Variants in NTM observed in about 807,000 individuals in gnomAD.
NTM encodes IgLON family member 2.
NTM carries 13 observed loss-of-function variants against 42.1 expected under a neutral mutation model. The ratio of observed to expected loss-of-function variants is 0.31; its 90% CI spans 0.20 to 0.49. The LOEUF (loss-of-function observed/expected upper bound fraction) is 0.49, where lower values mean the gene tolerates loss of function less well. Ranked by LOEUF, NTM falls within the 20% of genes least tolerant of loss-of-function variation. The pLI is 0.99. For synonymous variants in NTM, 187 were observed against 179.2 expected, an observed-to-expected ratio of 1.04 and a Z score of -0.35; for missense variants, 373 against 452.8, an observed-to-expected ratio of 0.82 and a Z score of 1.60.
At chr11:132,325,324 G>GA (rs1303733781) in intron 7 of NTM, among the ~76,000 whole-genome samples, 261 of 151,468 alleles carry the variant, frequency 1.7e-3, no homozygotes, top group South Asian at 4.4e-3. Context: ...AAATTTACAA[G>GA]AAAAAAACAA....
chr11:131,601,260 G>A (rs149414401), intron 1 of NTM, among the ~76,000 whole-genome samples: 42 of 152,296 alleles, frequency 2.8e-4, no homozygotes, highest in Non-Finnish European at 5.0e-4. Flanking sequence ...AGCAGGTGGT[G>A]TAGGAACTGA....
chr11:132,014,913 A>G (rs2073093827), intron 2 of NTM, among the ~76,000 whole-genome samples: 1 of 151,418 alleles, frequency 6.6e-6, no homozygotes, highest in South Asian at 2.1e-4. Context: ...CCATTTGTCT[A>G]TTTTTGTTTT....
At chr11:131,468,057 C>T (rs560674297) in intron 1 of NTM, among the ~76,000 whole-genome samples, 13 of 152,304 alleles carry the variant, frequency 8.5e-5, no homozygotes, top group Non-Finnish European at 1.5e-4. Context: ...AAAGGGATGA[C>T]GTAGGGTCAG....
chr11:131,843,579 A>G lies in NTM; in HGVS notation c.83-67985A>G, dbSNP rs552276642. Among the ~76,000 whole-genome samples the G allele has an allele frequency of 3.3e-5, 5 of 152,348 alleles. No individual in the cohort carries two copies. In the South Asian group the frequency reaches 1.0e-3, roughly 32 times the overall value. On this transcript the variant is annotated intron_variant, in intron 1 of 8. Coordinates refer to ENST00000683400, the MANE Select transcript of NTM (RefSeq NM_001352005.2). ...TGCTGCAATAAACATGCATGTATGC[A>G]GCTTGTGCACATGTGAGCGGGAATT...
chr11:132,249,299 G>A (rs982532830), intron 4 of NTM, among the ~76,000 whole-genome samples: 3 of 152,210 alleles, frequency 2.0e-5, no homozygotes, highest in African/African-American at 7.2e-5. Context: ...ATGTGTGTGT[G>A]AGGGTAAGGT....
At chr11:132,133,472 C>A (rs1175204609) in intron 2 of NTM, among the ~76,000 whole-genome samples, 1 of 152,188 alleles carries the variant, frequency 6.6e-6, no homozygotes, top group Non-Finnish European at 1.5e-5. Context: ...TCCTAATGCA[C>A]TTCAGTTCAT....
intron 3 of NTM, among the ~76,000 whole-genome samples, chr11:132,198,346 G>A (rs913498826): frequency 6.6e-6 from 1 of 152,098 alleles, no homozygotes; most frequent in African/African-American, 2.4e-5. Flanking sequence ...ACAGGATCAT[G>A]CCAGCATAAA....
intron 1 of NTM, among the ~76,000 whole-genome samples, chr11:131,885,108 GA>G (rs1445319873): frequency 2.0e-5 from 3 of 152,178 alleles, no homozygotes; most frequent in Non-Finnish European, 4.4e-5. Flanking sequence ...CCACGGCTCT[GA>G]GGAGTGAGTA....
chr11:132,021,833 A>G (rs1421409212), intron 2 of NTM, among the ~76,000 whole-genome samples: 1 of 152,142 alleles, frequency 6.6e-6, no homozygotes, highest in Non-Finnish European at 1.5e-5. Flanking sequence ...ACCATTTCCA[A>G]TGTCTCCTGA....
At chr11:132,334,327 T>C (rs543037302) in intron 8 of NTM, among the ~76,000 whole-genome samples, 207 of 152,372 alleles carry the variant, frequency 1.4e-3, no homozygotes, top group Non-Finnish European at 2.0e-3. Flanking sequence ...AGTGTCCTCA[T>C]TGATCTCCAG....
intron 1 of NTM, among the ~76,000 whole-genome samples, chr11:131,820,769 A>C (rs1309864701): frequency 1.3e-5 from 2 of 152,194 alleles, no homozygotes; most frequent in Non-Finnish European, 2.9e-5. Context: ...GTTTCGTGAC[A>C]TTTTTTCACT....
chr11:132,082,059 GAT>G (rs1262140129), intron 2 of NTM, among the ~76,000 whole-genome samples: 1 of 133,048 alleles, frequency 7.5e-6, no homozygotes, highest in Non-Finnish European at 1.6e-5. Flanking sequence ...GGAATTAAAA[GAT>G]AAAAAAAAAA....
intron 1 of NTM, among the ~76,000 whole-genome samples, chr11:131,719,920 T>C (rs2078138363): frequency 6.6e-6 from 1 of 152,168 alleles, no homozygotes; most frequent in South Asian, 2.1e-4. Flanking sequence ...TGGACTTCCT[T>C]TGTTGCAAGG....
chr11:132,176,399 C>A (rs1400586235), intron 3 of NTM, among the ~76,000 whole-genome samples: 1 of 151,064 alleles, frequency 6.6e-6, no homozygotes, highest in Non-Finnish European at 1.5e-5. Flanking sequence ...AAAGGTTTTT[C>A]ATCTCAATAG....
intron 1 of NTM, among the ~76,000 whole-genome samples, chr11:131,451,900 A>C (rs1367019253): frequency 2.0e-5 from 3 of 152,174 alleles, no homozygotes; most frequent in Admixed American, 1.3e-4. Context: ...GCTCTGGCCC[A>C]TGATGGCAGT....
intron 1 of NTM, among the ~76,000 whole-genome samples, chr11:131,526,734 G>T (rs1281353108): frequency 1.3e-5 from 2 of 152,132 alleles, no homozygotes; most frequent in African/African-American, 2.4e-5. Flanking sequence ...GTGAGGGAGG[G>T]TCATCTCCAC....
At chr11:132,184,052 C>G (rs910225342) in intron 3 of NTM, among the ~76,000 whole-genome samples, 3 of 152,084 alleles carry the variant, frequency 2.0e-5, no homozygotes, top group African/African-American at 7.2e-5. Context: ...CAAGCACAAA[C>G]TGGAAACGAT....
At chr11:131,461,265 CA>C (rs1951350989) in intron 1 of NTM, among the ~76,000 whole-genome samples, 2 of 152,192 alleles carry the variant, frequency 1.3e-5, no homozygotes, top group Admixed American at 1.3e-4. Context: ...CTTATTGTTG[CA>C]AAGTAGAATG....
intron 3 of NTM, among the ~76,000 whole-genome samples, chr11:132,194,008 T>A (rs2079744366): frequency 6.6e-6 from 1 of 152,080 alleles, no homozygotes; most frequent in African/African-American, 2.4e-5. Flanking sequence ...CAGGACCAGA[T>A]GGATTCACAG....
Sources: allele counts gnomAD v4.1 joint callset (sites outside exome capture counted in the v4.1 genomes callset), GRCh38; gene constraint gnomAD v4.1.1; transcripts MANE v1.5; gene names NCBI Gene and HGNC (gene_info 2026-07-23, HGNC 2026-07-21).